The following EYS variants were observed in gnomAD, a reference collection of about 807,000 sequenced individuals.
EYS encodes protein eyes shut homolog.
EYS carries 250 observed loss-of-function variants against 282.1 expected under a neutral mutation model. The ratio of observed to expected loss-of-function variants is 0.89; its 90% CI spans 0.80 to 0.98. The LOEUF is 0.98. EYS is among the 50% of genes least tolerant of loss of function. The pLI is 0.00. For missense variants in EYS, 4,016 were observed against 3,709.0 expected (o/e 1.08, Z -2.15); for synonymous variants, 1,355 against 1,282.9 (o/e 1.06, Z -1.20).
intron 35 of EYS, among the ~76,000 whole-genome samples, chr6:63,887,860 C>T (rs553005929): frequency 1.3e-5 from 2 of 152,318 alleles, no homozygotes; most frequent in African/African-American, 4.8e-5. Flanking sequence ...AGTGGTCTTG[C>T]TCAGCAGATC....
At position 64,960,466 on chromosome 6, in the gene EYS, T is replaced by C. The variant is rs1195769336; in HGVS notation, c.2260-14552A>G. ...AGGTCACTGAATACAGTGTTTTGTA[T>C]AACTTTGTTTTTTCCAATATATATT... On this transcript the variant is annotated intron_variant, in intron 14 of 42. Coordinates refer to ENST00000503581, the MANE Select transcript of EYS (RefSeq NM_001142800.2). 2.6e-5 allele frequency among the ~76,000 whole-genome samples: 4 copies of C among 152,182 alleles called. No homozygotes were observed. In the East Asian group the frequency reaches 7.7e-4, roughly 29 times the overall value.
At chr6:65,465,364 C>G (rs897217262) in intron 5 of EYS, among the ~76,000 whole-genome samples, 1 of 151,912 alleles carries the variant, frequency 6.6e-6, no homozygotes, top group African/African-American at 2.4e-5. Context: ...GCAGTGTTAG[C>G]TACTTCAGAA....
At chr6:63,975,334 C>T (rs1054608075) in intron 35 of EYS, among the ~76,000 whole-genome samples, 3 of 151,840 alleles carry the variant, frequency 2.0e-5, no homozygotes, top group Non-Finnish European at 4.4e-5. Flanking sequence ...AGAGGCTCTA[C>T]AGCACTCATA....
intron 2 of EYS, among the ~76,000 whole-genome samples, chr6:65,610,810 C>T (rs1167983491): frequency 1.3e-5 from 2 of 151,992 alleles, no homozygotes; most frequent in African/African-American, 2.4e-5. Context: ...TTTAAAATAT[C>T]GTGTTTATAA....
chr6:65,284,919 A>G (rs770562128), intron 12 of EYS, among the ~76,000 whole-genome samples: 17 of 151,788 alleles, frequency 1.1e-4, no homozygotes, highest in Non-Finnish European at 2.1e-4. Context: ...GAGGTATTCT[A>G]TTTGTAATGA....
intron 13 of EYS, among the ~76,000 whole-genome samples, chr6:65,055,000 T>C (rs558057707): frequency 1.3e-5 from 2 of 152,162 alleles, no homozygotes; most frequent in South Asian, 2.1e-4. Flanking sequence ...GTTTATTGTA[T>C]AAATGGGGTC....
At chr6:65,662,103 G>A (rs546090824) in intron 1 of EYS, among the ~76,000 whole-genome samples, 5 of 151,786 alleles carry the variant, frequency 3.3e-5, no homozygotes, top group Non-Finnish European at 7.4e-5. Flanking sequence ...TTTAAGTAAA[G>A]GTTAAGGATA....
intron 22 of EYS, among the ~76,000 whole-genome samples, chr6:64,651,378 T>A (rs1264585721): frequency 6.6e-6 from 1 of 152,190 alleles, no homozygotes; most frequent in Admixed American, 6.5e-5. Flanking sequence ...TTTTGTTTTT[T>A]TCCAAAGTAC....
chr6:65,390,994 A>G (rs1766009181), intron 7 of EYS, among the ~76,000 whole-genome samples: 1 of 152,156 alleles, frequency 6.6e-6, no homozygotes, highest in Non-Finnish European at 1.5e-5. Context: ...ATATTAACAA[A>G]TATTGGAGGT....
Position 65,523,243 on chromosome 6 carries a change from T to A in EYS, c.-332-27250A>T, listed in dbSNP as rs756375658. Among the ~76,000 whole-genome samples, 68 of 151,966 alleles carry A rather than the reference T, an allele frequency of 4.5e-4. 1 individual carries two copies. The highest frequency in any genetic ancestry group is 8.4e-4 in the Non-Finnish European group (57 of 67,994). On this transcript the variant is annotated intron_variant, in intron 2 of 42. Coordinates refer to ENST00000503581, the MANE Select transcript of EYS (RefSeq NM_001142800.2). ...CACAACATATACATACCTCAAAACA[T>A]CATACTGTAAATTATAAAAACACTT...
intron 26 of EYS, among the ~76,000 whole-genome samples, chr6:64,494,605 G>A (rs1776836647): frequency 6.6e-6 from 1 of 151,614 alleles, no homozygotes; most frequent in African/African-American, 2.4e-5. Flanking sequence ...GCACACACCT[G>A]TCTCGGACAA....
rs756470943 is a variant in EYS, at chr6:64,388,670, T to G, written c.6078+20A>C. The G allele has an allele frequency of 6.9e-7, 1 of 1,452,916 alleles. No homozygotes were observed. Among genetic ancestry groups the G allele is most frequent in the Middle Eastern group, 1.7e-4 (1 of 5,748 alleles). 90.0% of individuals were successfully genotyped at this position (1,452,916 alleles called of 1,614,324 possible). A position where few individuals can be genotyped will look rare whatever the true frequency, so the allele number is the denominator to read the frequency against. ...TAATTATTTTCAATAATTAATATTT[T>G]AAAACATCTATAGAAATACCTGGAT... On this transcript the variant is annotated intron_variant, in intron 29 of 42. Coordinates refer to ENST00000503581, the MANE Select transcript of EYS (RefSeq NM_001142800.2).
intron 2 of EYS, among the ~76,000 whole-genome samples, chr6:65,606,522 T>G (rs1765800877): frequency 6.6e-6 from 1 of 151,828 alleles, no homozygotes; most frequent in Non-Finnish European, 1.5e-5. Flanking sequence ...TGAAATCTCC[T>G]TTGAATGTCG....
At chr6:65,610,049 C>A (rs149132181) in intron 2 of EYS, among the ~76,000 whole-genome samples, 1 of 152,148 alleles carries the variant, frequency 6.6e-6, no homozygotes, top group Non-Finnish European at 1.5e-5. Flanking sequence ...CAGGTGCATG[C>A]CACCACGCCT....
chr6:63,891,985 A>G (rs1773420652), intron 35 of EYS, among the ~76,000 whole-genome samples: 1 of 152,204 alleles, frequency 6.6e-6, no homozygotes, highest in Non-Finnish European at 1.5e-5. Context: ...TACAATTGGT[A>G]CAAACAGAGT....
At chr6:65,377,897 T>C (rs1231014932) in intron 8 of EYS, among the ~76,000 whole-genome samples, 1 of 152,014 alleles carries the variant, frequency 6.6e-6, no homozygotes, top group Admixed American at 6.6e-5. Flanking sequence ...AGTTCTGAAA[T>C]TGAGGCATTA....
intron 30 of EYS, among the ~76,000 whole-genome samples, chr6:64,257,766 GGATGATGAT>G (rs3072582): frequency 1.2e-4 from 18 of 149,326 alleles, no homozygotes; most frequent in South Asian, 6.4e-4. Flanking sequence ...TGAATGGTGT[GGATGATGAT>G]GATGATGATG....
intron 16 of EYS, among the ~76,000 whole-genome samples, chr6:64,907,085 C>T (rs1307618968): frequency 6.6e-6 from 1 of 152,084 alleles, no homozygotes; most frequent in African/African-American, 2.4e-5. Flanking sequence ...CAAGGTCCTG[C>T]TCTGTTGCCT....
Position 64,020,524 on chromosome 6 carries a change from G to C in EYS, c.6726-21341C>G, listed in dbSNP as rs188622866. On this transcript the variant is annotated intron_variant, in intron 33 of 42. Transcript: ENST00000503581. Reference sequence around the variant, plus strand: ...TTCACTATTATTCCTGATACCAAGGGCTTCATGGGGTGCAAATAGATGTGG... The same window carrying C: ...TTCACTATTATTCCTGATACCAAGGCCTTCATGGGGTGCAAATAGATGTGG... Among the ~76,000 whole-genome samples, 123 of 152,220 alleles carry C rather than the reference G, an allele frequency of 8.1e-4. 1 individual carries two copies. Among genetic ancestry groups the C allele is most frequent in the Non-Finnish European group, 1.6e-3 (108 of 67,984 alleles).
Sources: gnomAD v4.1 joint callset for allele counts (sites outside exome capture counted in the v4.1 genomes callset) on GRCh38, gnomAD v4.1.1 for gene constraint, MANE v1.5 for transcripts, NCBI Gene and HGNC (gene_info 2026-07-23, HGNC 2026-07-21) for gene names.